Variants in CRPPA observed in about 807,000 individuals in gnomAD.
The protein encoded by CRPPA is D-ribitol-5-phosphate cytidylyltransferase.
Under a neutral mutation model 52.0 loss-of-function variants are expected in CRPPA, and 43 were observed. The ratio of observed to expected loss-of-function variants is 0.83; its 90% confidence interval spans 0.65 to 1.07. The LOEUF is 1.07. Ranked by LOEUF, CRPPA falls within the 50% of genes least tolerant of loss-of-function variation. The pLI, the probability that CRPPA is intolerant of heterozygous loss-of-function variation, is 0.00. For synonymous variants in CRPPA, 250 were observed against 203.5 expected (o/e 1.23, Z -1.94); for missense variants, 629 against 551.7 (o/e 1.14, Z -1.40).
intron 3 of CRPPA, among the ~76,000 whole-genome samples, chr7:16,363,247 C>T (rs1748756461): frequency 6.6e-6 from 1 of 151,996 alleles, no homozygotes; most frequent in African/African-American, 2.4e-5. Context: ...AAAGAGCAAA[C>T]AAAAAATGAC....
intron 5 of CRPPA, among the ~76,000 whole-genome samples, chr7:16,286,448 G>T (rs7776758): frequency 0.76 from 115,669 of 151,816 alleles, 44,286 homozygotes; most frequent in Admixed American, 0.8. Flanking sequence ...GAACTTACAC[G>T]GGCAAATGTC....
At chr7:16,386,137 G>A (rs556387387) in intron 2 of CRPPA, among the ~76,000 whole-genome samples, 10 of 151,424 alleles carry the variant, frequency 6.6e-5, no homozygotes, top group African/African-American at 1.5e-4. Flanking sequence ...AGGTGGTCTC[G>A]GTAGGATGGA....
Position 16,236,449 on chromosome 7 carries a change from T to C in CRPPA, c.1120-20252A>G, listed in dbSNP as rs1243760107. Among the ~76,000 whole-genome samples, 4 of 152,054 alleles carry C rather than the reference T, an allele frequency of 2.6e-5. No individual in the cohort carries two copies. In the South Asian group the frequency reaches 6.2e-4, roughly 24 times the overall value. Reference sequence around the variant, plus strand: ...AACAAAATCTCTGGTACCCAGAAAATTGAATCATATTATACTTTTCAAAAG... The same window carrying C: ...AACAAAATCTCTGGTACCCAGAAAACTGAATCATATTATACTTTTCAAAAG... On this transcript the variant is annotated intron_variant, in intron 8 of 9. Transcript: ENST00000407010.
At chr7:16,393,372 T>A (rs1787490151) in intron 2 of CRPPA, among the ~76,000 whole-genome samples, 1 of 152,064 alleles carries the variant, frequency 6.6e-6, no homozygotes, top group Admixed American at 6.6e-5. Flanking sequence ...GTCTCAATAG[T>A]GACTAAGACA....
intron 9 of CRPPA, among the ~76,000 whole-genome samples, chr7:16,093,038 T>A (rs1781866446): frequency 6.6e-6 from 1 of 152,186 alleles, no homozygotes; most frequent in Non-Finnish European, 1.5e-5. Context: ...CCTGACTCTA[T>A]CCTCCAGTCC....
intron 5 of CRPPA, among the ~76,000 whole-genome samples, chr7:16,285,122 A>T (rs1466590037): frequency 1.3e-5 from 2 of 152,214 alleles, no homozygotes; most frequent in Non-Finnish European, 2.9e-5. Flanking sequence ...AAATCAAAAC[A>T]AAAATAGAAG....
At chr7:16,366,296 G>A (rs1358395214) in intron 3 of CRPPA, among the ~76,000 whole-genome samples, 1 of 152,186 alleles carries the variant, frequency 6.6e-6, no homozygotes. Flanking sequence ...GGGAAACACA[G>A]ACGTTCAGAC....
intron 3 of CRPPA, among the ~76,000 whole-genome samples, chr7:16,358,146 GA>G (rs1332650611): frequency 3.3e-5 from 5 of 151,716 alleles, no homozygotes; most frequent in Admixed American, 3.3e-4. Context: ...CAGCAGGCCA[GA>G]CTGGCAGAGA....
chr7:16,092,250 T>C (rs1477771921), intron 9 of CRPPA, among the ~76,000 whole-genome samples: 1 of 152,132 alleles, frequency 6.6e-6, no homozygotes, highest in Non-Finnish European at 1.5e-5. Flanking sequence ...ATCGGGAAAA[T>C]TCAAGAAATG....
intron 5 of CRPPA, among the ~76,000 whole-genome samples, chr7:16,288,009 G>C (rs1350212868): frequency 6.6e-6 from 1 of 152,072 alleles, no homozygotes; most frequent in Non-Finnish European, 1.5e-5. Flanking sequence ...ACTATGTATA[G>C]ACAAAGGATG....
chr7:16,264,464 C>A (rs1208552604), intron 6 of CRPPA, among the ~76,000 whole-genome samples: 1 of 152,168 alleles, frequency 6.6e-6, no homozygotes, highest in Non-Finnish European at 1.5e-5. Context: ...TCTGTGTATT[C>A]ACAATATTAA....
At chr7:16,277,130 C>A (rs1784218606) in intron 6 of CRPPA, 1 of 152,110 alleles carries the variant, frequency 6.6e-6, no homozygotes, top group Non-Finnish European at 1.5e-5. Flanking sequence ...ATGTTATTAA[C>A]AGTTTCAATT....
chr7:16,364,950 A>G (rs781194855), intron 3 of CRPPA, among the ~76,000 whole-genome samples: 20 of 152,338 alleles, frequency 1.3e-4, no homozygotes, highest in African/African-American at 3.1e-4. Context: ...GAAACTTAAC[A>G]TAAGATTTCA....
chr7:16,378,114 TTTA>T (rs1786949588), intron 2 of CRPPA, among the ~76,000 whole-genome samples: 2 of 151,992 alleles, frequency 1.3e-5, no homozygotes, highest in African/African-American at 4.8e-5. Context: ...TTTTTTAAAT[TTTA>T]TTATTATTAT....
intron 8 of CRPPA, among the ~76,000 whole-genome samples, chr7:16,241,946 C>CTTTTTTTTTTT (rs71549979): frequency 1.4e-4 from 8 of 55,376 alleles, no homozygotes; most frequent in Non-Finnish European, 2.2e-4. Flanking sequence ...AAAATCTATT[C>CTTTTTTTTTTT]TTTTTTTTTT....
At chr7:16,094,512 G>A (rs1366739432) in intron 9 of CRPPA, among the ~76,000 whole-genome samples, 1 of 152,070 alleles carries the variant, frequency 6.6e-6, no homozygotes, top group Non-Finnish European at 1.5e-5. Context: ...TTTAATCCTT[G>A]AGGAGAGTGG....
chr7:16,347,907 C>A (rs77121356), intron 3 of CRPPA, among the ~76,000 whole-genome samples: 1,891 of 152,140 alleles, frequency 0.012, 17 homozygotes, highest in South Asian at 0.04. Flanking sequence ...TAAAGACTCT[C>A]CAGACCACAG....
intron 3 of CRPPA, among the ~76,000 whole-genome samples, chr7:16,369,665 T>A (rs776349029): frequency 2.6e-5 from 4 of 152,068 alleles, no homozygotes; most frequent in Non-Finnish European, 4.4e-5. Context: ...ACAAAATAAG[T>A]ATGATCTTTT....
intron 5 of CRPPA, among the ~76,000 whole-genome samples, chr7:16,287,631 G>T: frequency 6.6e-6 from 1 of 152,044 alleles, no homozygotes; most frequent in East Asian, 1.9e-4. Context: ...AGAAATATTG[G>T]CTGGGCACGG....
Sources: allele counts gnomAD v4.1 joint callset (sites outside exome capture counted in the v4.1 genomes callset), GRCh38; gene constraint gnomAD v4.1.1; transcripts MANE v1.5; gene names NCBI Gene and HGNC (gene_info 2026-07-23, HGNC 2026-07-21).